The following ITSN2 variants were observed in gnomAD, a reference collection of about 807,000 sequenced individuals.
ITSN2 encodes intersectin 2.
A neutral mutation model predicts 243.7 loss-of-function variants in ITSN2; 156 were observed. The ratio of observed to expected loss-of-function variants is 0.64; its 90% CI spans 0.56 to 0.73. The LOEUF (loss-of-function observed/expected upper bound fraction) is 0.73, where lower values mean the gene tolerates loss of function less well. Among genes scored for constraint, ITSN2 ranks in the 30% least tolerant of loss-of-function variants. The probability of loss-of-function intolerance (pLI) is 0.00; values close to 1 mark genes in which losing one functional copy is unlikely to be tolerated. For synonymous variants in ITSN2, 703 were observed against 699.9 expected, an observed-to-expected ratio of 1.00 and a Z score of -0.07; for missense variants, 1,801 against 1,996.1, an observed-to-expected ratio of 0.90 and a Z score of 1.86.
intron 1 of ITSN2, among the ~76,000 whole-genome samples, chr2:24,349,515 G>C (rs1260633594): frequency 6.6e-6 from 1 of 152,144 alleles, no homozygotes; most frequent in East Asian, 1.9e-4. Flanking sequence ...TAGACTTTCA[G>C]ACAGTTCATG....
rs146204203 is a variant in ITSN2 at position 24,298,756 on chromosome 2, T to C, written c.1403A>G (p.Gln468Arg). Reference sequence around the variant, plus strand: ...TCTATTCTTTTGATTGAGAAGCTCCTGTCGCCGAATTCTCTCCCATTCTAA... The same window carrying C: ...TCTATTCTTTTGATTGAGAAGCTCCCGTCGCCGAATTCTCTCCCATTCTAA... The part of the protein sequence containing the change: ...RRLEWERIRR[Q>R]ELLNQKNREQ... Residue 468 changes from glutamine (Q) to arginine (R), a missense_variant, in exon 13 of 40, where the codon CAG (glutamine) becomes CGG (arginine). Transcript: ENST00000355123. The C allele has an allele frequency of 1.9e-6, 3 of 1,613,130 alleles. No homozygotes were observed. Among genetic ancestry groups the C allele is most frequent in the African/African-American group, 2.7e-5 (2 of 74,858 alleles).
chr2:24,237,100 C>G (rs910101164), intron 29 of ITSN2, among the ~76,000 whole-genome samples: 1 of 152,002 alleles, frequency 6.6e-6, no homozygotes, highest in Non-Finnish European at 1.5e-5. Context: ...GACTTGGGAG[C>G]CAGACCATGG....
intron 22 of ITSN2, among the ~76,000 whole-genome samples, chr2:24,260,629 C>T (rs999661067): frequency 4.6e-5 from 7 of 152,062 alleles, no homozygotes; most frequent in Admixed American, 1.3e-4. Flanking sequence ...AAACCTAGGC[C>T]GGGCGCAGTG....
At chr2:24,299,386 CAATA>C (rs1020561926) in intron 12 of ITSN2, among the ~76,000 whole-genome samples, 41 of 152,118 alleles carry the variant, frequency 2.7e-4, no homozygotes, top group African/African-American at 9.7e-4. Flanking sequence ...TTTCAGTGTG[CAATA>C]ACTTCCTGTG....
chr2:24,323,057 C>A (rs1055220816), intron 2 of ITSN2, among the ~76,000 whole-genome samples: 5 of 150,358 alleles, frequency 3.3e-5, no homozygotes, highest in Non-Finnish European at 5.9e-5. Flanking sequence ...AAAAAAAAAA[C>A]AACACGGAGT....
intron 29 of ITSN2, among the ~76,000 whole-genome samples, chr2:24,235,278 G>A (rs1340545475): frequency 6.6e-6 from 1 of 152,170 alleles, no homozygotes; most frequent in African/African-American, 2.4e-5. Context: ...ATTCTGGGAA[G>A]GGCAAAACTA....
chr2:24,328,073 G>A lies in ITSN2; in HGVS notation c.10C>T (p.Gln4Ter), dbSNP rs1023108879. 6.2e-7 allele frequency: 1 copy of A among 1,613,178 alleles called. No individual in the cohort carries two copies. Among genetic ancestry groups the A allele is most frequent in the African/African-American group, 1.3e-5 (1 of 74,740 alleles). Residue 4 changes from glutamine to a stop codon, truncating the protein, a stop_gained, in exon 2 of 40, where the codon CAG becomes TAG. Coordinates refer to ENST00000355123, the MANE Select transcript of ITSN2 (RefSeq NM_006277.3). LOFTEE classifies it high-confidence loss of function. ...TTACCATTCATAGCTGTGGGAAACT[G>A]AGCCATCATGGTCCTGAGTTTTCCT... MMA[Q>*]FPTAMNGGPN... is the part of the protein sequence containing the mutation.
chr2:24,231,931 A>G (rs750183740), intron 29 of ITSN2, among the ~76,000 whole-genome samples: 3 of 152,246 alleles, frequency 2.0e-5, no homozygotes, highest in Non-Finnish European at 4.4e-5. Context: ...GATTTTTAAC[A>G]GTAAATCTAG....
At position 24,295,821 on chromosome 2, in the gene ITSN2, T is replaced by A. The variant is rs1406153572; in HGVS notation, c.1495-17A>T. The A allele has an allele frequency of 1.3e-6, 2 of 1,487,446 alleles. No individual in the cohort carries two copies. Among genetic ancestry groups the A allele is most frequent in the South Asian group, 1.4e-5 (1 of 71,906 alleles). 92.1% of individuals were successfully genotyped at this position (1,487,446 alleles called of 1,614,324 possible). A position where few individuals can be genotyped will look rare whatever the true frequency, so the allele number is the denominator to read the frequency against. On this transcript the variant is annotated splice_polypyrimidine_tract_variant and intron_variant, in intron 13 of 39. Transcript: ENST00000355123. ...TTTGCCATTCTATAGGAAGATCATATAAATATATAGTAACATAAAATGCTA... is the reference window on the plus strand; with the variant it reads ...TTTGCCATTCTATAGGAAGATCATAAAAATATATAGTAACATAAAATGCTA...
intron 1 of ITSN2, among the ~76,000 whole-genome samples, chr2:24,359,857 C>A (rs1688790619): frequency 6.6e-6 from 1 of 152,144 alleles, no homozygotes; most frequent in African/African-American, 2.4e-5. Flanking sequence ...CGGCACCAAC[C>A]CTTGCCAGGA....
chr2:24,324,767 T>C (rs2702044), intron 2 of ITSN2, among the ~76,000 whole-genome samples: 147,586 of 150,724 alleles, frequency 0.98, 72,253 homozygotes, highest in East Asian at 0.99. Flanking sequence ...GCAGAAGGAA[T>C]TGCTTGAGCC....
At chr2:24,351,828 T>A (rs1456009276) in intron 1 of ITSN2, among the ~76,000 whole-genome samples, 1 of 152,134 alleles carries the variant, frequency 6.6e-6, no homozygotes, top group Non-Finnish European at 1.5e-5. Flanking sequence ...GTAACCCTTA[T>A]TTTACTTAAT....
At chr2:24,301,011 A>C (rs1558583449) in intron 11 of ITSN2, 143 bp downstream of exon 11, 2 of 494,414 alleles carry the variant, frequency 4.0e-6, no homozygotes, top group Non-Finnish European at 7.3e-6. Context: ...TCAATACCAA[A>C]ATACATCCCA....
intron 8 of ITSN2, among the ~76,000 whole-genome samples, chr2:24,306,094 C>T (rs1682497104): frequency 6.6e-6 from 1 of 152,110 alleles, no homozygotes; most frequent in Admixed American, 6.5e-5. Context: ...ATTCTGTTGC[C>T]TCAGACTCCA....
chr2:24,271,076 G>A (rs908417573), intron 19 of ITSN2, among the ~76,000 whole-genome samples: 8 of 152,114 alleles, frequency 5.3e-5, no homozygotes, highest in African/African-American at 1.9e-4. Flanking sequence ...CAAAGTGGAA[G>A]GAGACCAAGC....
At chr2:24,341,864 T>C (rs1009785493) in intron 1 of ITSN2, among the ~76,000 whole-genome samples, 17 of 151,714 alleles carry the variant, frequency 1.1e-4, no homozygotes, top group African/African-American at 3.9e-4. Flanking sequence ...AAAAAATACA[T>C]AGGAAAAAAG....
chr2:24,335,908 A>C (rs1043655724), intron 1 of ITSN2, among the ~76,000 whole-genome samples: 1 of 151,518 alleles, frequency 6.6e-6, no homozygotes, highest in Non-Finnish European at 1.5e-5. Flanking sequence ...CTGGGATTAC[A>C]GGCGTGAGCA....
intron 32 of ITSN2, 68 bp downstream of exon 32, chr2:24,215,981 G>T: frequency 8.4e-7 from 1 of 1,196,044 alleles, no homozygotes; most frequent in East Asian, 2.7e-5. Context: ...ATTCCCTGTT[G>T]GGCTACTGTG....
chr2:24,303,082 A>AG (rs1314907345), intron 9 of ITSN2, among the ~76,000 whole-genome samples: 2 of 152,222 alleles, frequency 1.3e-5, no homozygotes, highest in East Asian at 3.8e-4. Context: ...ACTCAATAAC[A>AG]ATAAACATCT....
Sources: gnomAD v4.1 joint callset for allele counts (sites outside exome capture counted in the v4.1 genomes callset) on GRCh38, gnomAD v4.1.1 for gene constraint, MANE v1.5 for transcripts, NCBI Gene and HGNC (gene_info 2026-07-23, HGNC 2026-07-21) for gene names.